Variants in DIS3L2 observed in about 807,000 individuals in gnomAD.
The protein encoded by DIS3L2 is DIS3-like exonuclease 2.
In DIS3L2, 34 loss-of-function variants were observed where a neutral mutation model predicts 97.5. That is an observed-to-expected ratio of 0.35 (90% CI 0.27 to 0.46). The LOEUF (loss-of-function observed/expected upper bound fraction) is 0.46, where lower values mean the gene tolerates loss of function less well. DIS3L2 is among the 20% of genes least tolerant of loss of function. The probability of loss-of-function intolerance (pLI) is 1.00; values close to 1 mark genes in which losing one functional copy is unlikely to be tolerated. For synonymous variants in DIS3L2, 435 were observed against 445.2 expected (o/e 0.98, Z 0.29); for missense variants, 1,038 against 1,146.0 (o/e 0.91, Z 1.36).
chr2:232,214,081 A>G (rs942275184), intron 10 of DIS3L2, among the ~76,000 whole-genome samples: 9 of 152,198 alleles, frequency 5.9e-5, no homozygotes, highest in African/African-American at 2.2e-4. Flanking sequence ...TCAAGAAAAT[A>G]TTTAGTAATG....
At chr2:232,246,480 A>G (rs1440644735) in intron 11 of DIS3L2, among the ~76,000 whole-genome samples, 2 of 152,228 alleles carry the variant, frequency 1.3e-5, no homozygotes, top group African/African-American at 4.8e-5. Flanking sequence ...GAGCCTGGTG[A>G]CAGTGCACCT....
chr2:232,166,797 G>C (rs1199173966), intron 9 of DIS3L2, among the ~76,000 whole-genome samples: 3 of 151,984 alleles, frequency 2.0e-5, no homozygotes, highest in African/African-American at 7.3e-5. Flanking sequence ...AAGGTGGGTG[G>C]ATCACTCGAG....
rs1201462126 is a variant in DIS3L2, at chr2:232,136,503, G to A, written c.734G>A (p.Arg245Gln). ...VVYILEKKHSRAATGFLKLLA... is the reference protein window; with the variant it reads ...VVYILEKKHSQAATGFLKLLA... The stretch of plus-strand genomic sequence containing the variant: ...TACATCTTGGAGAAAAAACATTCTC[G>A]AGCAGCAACCGGCTTCCTCAAACTC... Residue 245 changes from arginine (R) to glutamine (Q), a missense_variant, in exon 8 of 21, where the codon CGA becomes CAA. This residue lies in a region of DIS3L2 where 813 missense variants were observed against 880.1 expected (regional missense o/e 0.92). Transcript: ENST00000325385. 5 of 1,613,910 alleles carry A rather than the reference G, an allele frequency of 3.1e-6. No homozygotes were observed. The highest frequency in any genetic ancestry group is 2.2e-5 in the East Asian group (1 of 44,882).
At chr2:232,100,903 G>A (rs778867382) in intron 6 of DIS3L2, among the ~76,000 whole-genome samples, 67 of 151,820 alleles carry the variant, frequency 4.4e-4, no homozygotes, top group Non-Finnish European at 7.7e-4. Flanking sequence ...ATTATTGTGT[G>A]TACTTTATCT....
At chr2:232,170,797 A>G (rs182198306) in intron 9 of DIS3L2, among the ~76,000 whole-genome samples, 51 of 152,306 alleles carry the variant, frequency 3.3e-4, no homozygotes, top group African/African-American at 1.2e-3. Flanking sequence ...GGTAAGAAAT[A>G]TTGAAAAATC....
intron 5 of DIS3L2, among the ~76,000 whole-genome samples, chr2:232,055,198 A>G (rs1695513429): frequency 6.6e-6 from 1 of 152,240 alleles, no homozygotes; most frequent in East Asian, 1.9e-4. Context: ...GATGCTCACT[A>G]TCATTACTTT....
intron 9 of DIS3L2, among the ~76,000 whole-genome samples, chr2:232,200,780 G>GTTTTTTTTT (rs1183177130): frequency 2.4e-5 from 3 of 124,770 alleles, no homozygotes; most frequent in Non-Finnish European, 5.3e-5. Context: ...TGACCAAAAG[G>GTTTTTTTTT]TTTTTTTTTT....
At chr2:232,188,545 T>C (rs1470366179) in intron 9 of DIS3L2, among the ~76,000 whole-genome samples, 2 of 152,198 alleles carry the variant, frequency 1.3e-5, no homozygotes, top group Non-Finnish European at 2.9e-5. Flanking sequence ...TGAACTTCGA[T>C]CTAAACCTCA....
chr2:232,321,030 G>C (rs945650359), intron 14 of DIS3L2, among the ~76,000 whole-genome samples: 5 of 152,338 alleles, frequency 3.3e-5, no homozygotes, highest in Admixed American at 6.5e-5. Flanking sequence ...TGGGTGCGGG[G>C]AGCAGAGGGG....
At chr2:232,259,492 G>A (rs1378613704) in intron 12 of DIS3L2, among the ~76,000 whole-genome samples, 1 of 152,126 alleles carries the variant, frequency 6.6e-6, no homozygotes, top group African/African-American at 2.4e-5. Flanking sequence ...ACAGAGATGT[G>A]CTTAGAGCCA....
chr2:232,276,317 G>A lies in DIS3L2; in HGVS notation c.1659+12877G>A, dbSNP rs1000559197. Reference sequence around the variant, plus strand: ...AGTTTCGACCCGTAAATAACAGGGCGCTCTCCCCTTTCATTCTCCTGCCTG... The same window carrying A: ...AGTTTCGACCCGTAAATAACAGGGCACTCTCCCCTTTCATTCTCCTGCCTG... On this transcript the variant is annotated intron_variant, in intron 13 of 20. Coordinates refer to ENST00000325385, the MANE Select transcript of DIS3L2 (RefSeq NM_152383.5). This position sits in a 1 kb window ranked among gnomAD's most constrained non-coding sequence, Gnocchi z 4.4. Among the ~76,000 whole-genome samples, 14 of 152,202 alleles carry A rather than the reference G, an allele frequency of 9.2e-5. No homozygotes were observed. The highest frequency in any genetic ancestry group is 3.4e-4 in the African/African-American group (14 of 41,446).
At chr2:232,224,273 G>A (rs75234170) in intron 10 of DIS3L2, among the ~76,000 whole-genome samples, 3,004 of 152,260 alleles carry the variant, frequency 0.02, 45 homozygotes, top group Non-Finnish European at 0.027. Flanking sequence ...TCAATAAATG[G>A]TACTAGACTG....
chr2:232,077,190 A>G (rs930528277), intron 5 of DIS3L2, among the ~76,000 whole-genome samples: 2 of 151,974 alleles, frequency 1.3e-5, no homozygotes, highest in Non-Finnish European at 2.9e-5. Flanking sequence ...TGTAGAGGCC[A>G]GGTTGCTGTT....
At chr2:232,222,157 G>A (rs1275562981) in intron 10 of DIS3L2, among the ~76,000 whole-genome samples, 1 of 152,038 alleles carries the variant, frequency 6.6e-6, no homozygotes, top group Non-Finnish European at 1.5e-5. Context: ...TGGTCAGGTT[G>A]GTCTGGAACT....
rs1693357303 is a variant in DIS3L2 at position 232,249,346 on chromosome 2, G to A, written c.1425G>A (p.Lys475=). ...SVIWTLTPEG[K]ILDEWFGRTI... Reference sequence around the variant, plus strand: ...TCTGGACACTGACTCCAGAGGGCAAGGTAACAACTTACACGTTTTCTTTCT... The same window carrying A: ...TCTGGACACTGACTCCAGAGGGCAAAGTAACAACTTACACGTTTTCTTTCT... Residue 475 remains lysine, a splice_region_variant and synonymous_variant, in exon 12 of 21, where the codon AAG becomes AAA. Transcript: ENST00000325385. 1.2e-6 allele frequency: 2 copies of A among 1,613,956 alleles called. No individual in the cohort carries two copies. Among genetic ancestry groups the A allele is most frequent in the African/African-American group, 2.7e-5 (2 of 74,942 alleles).
chr2:232,282,142 T>TAA (rs60408194), intron 13 of DIS3L2, among the ~76,000 whole-genome samples: 1,950 of 107,084 alleles, frequency 0.018, 39 homozygotes, highest in Admixed American at 0.033. Flanking sequence ...CTCGTTTATT[T>TAA]AAAAAAAAAA....
chr2:232,261,138 A>G (rs1199399551), intron 12 of DIS3L2, among the ~76,000 whole-genome samples: 2 of 152,022 alleles, frequency 1.3e-5, no homozygotes, highest in Admixed American at 6.5e-5. Flanking sequence ...GCTCAACTAC[A>G]TAGATTGGGG....
chr2:232,029,960 A>G lies in DIS3L2; in HGVS notation c.265-19A>G, dbSNP rs1694758513. ...GTGTTTTTAAGCTCACTATTGTTTT[A>G]TTTCTTTTTCCAACCTAGGATGGTG... On this transcript the variant is annotated intron_variant, in intron 4 of 20. Coordinates refer to ENST00000325385, the MANE Select transcript of DIS3L2 (RefSeq NM_152383.5). 1.3e-6 allele frequency: 2 copies of G among 1,565,192 alleles called. No homozygotes were observed. The highest frequency in any genetic ancestry group is 2.4e-5 in the South Asian group (2 of 82,946).
intron 1 of DIS3L2, among the ~76,000 whole-genome samples, chr2:231,974,749 CAG>C (rs1262269386): frequency 2.0e-5 from 3 of 151,938 alleles, no homozygotes; most frequent in African/African-American, 7.3e-5. Context: ...TAAATGCTAT[CAG>C]AACATAAAGC....
Sources: gnomAD v4.1 joint callset for allele counts (sites outside exome capture counted in the v4.1 genomes callset) on GRCh38, gnomAD v4.1.1 for gene constraint, gnomAD v4.1.1 regional missense constraint, Gnocchi (gnomAD v3.1) non-coding constraint, MANE v1.5 for transcripts, NCBI Gene and HGNC (gene_info 2026-07-23, HGNC 2026-07-21) for gene names.